FRY: variants seen among roughly 807,000 people sequenced by gnomAD.
FRY encodes protein furry homolog.
FRY carries 128 observed loss-of-function variants against 348.4 expected under a neutral mutation model. That is an observed-to-expected ratio of 0.37 (90% confidence interval 0.32 to 0.43). FRY has a LOEUF of 0.43. Among genes scored for constraint, FRY ranks in the 20% least tolerant of loss-of-function variants. FRY has a pLI of 1.00. For synonymous variants in FRY, 1,370 were observed against 1,374.7 expected, an observed-to-expected ratio of 1.00 and a Z score of 0.08; for missense variants, 2,736 against 3,695.2, an observed-to-expected ratio of 0.74 and a Z score of 6.73.
intron 48 of FRY, 76 bp downstream of exon 48, chr13:32,247,578 G>GA: frequency 1.8e-6 from 2 of 1,102,960 alleles, no homozygotes; most frequent in Admixed American, 1.7e-5. Flanking sequence ...TAGTTGCCTG[G>GA]AAAAAAGAAG....
chr13:32,274,479 G>A (rs766804697), intron 55 of FRY, among the ~76,000 whole-genome samples: 58 of 150,800 alleles, frequency 3.8e-4, no homozygotes, highest in African/African-American at 8.1e-4. Context: ...AGGCCGAGGC[G>A]GGCGGATCAC....
At chr13:32,295,131 A>T (rs1889569647) in intron 60 of FRY, 71 bp from the exon 61 acceptor site, 1 of 1,345,668 alleles carries the variant, frequency 7.4e-7, no homozygotes, top group Admixed American at 1.7e-5. Context: ...TCTTATATTA[A>T]TGAAGACTCA....
chr13:32,112,114 G>A (rs1017668168), intron 3 of FRY, among the ~76,000 whole-genome samples: 2 of 152,282 alleles, frequency 1.3e-5, no homozygotes, highest in East Asian at 1.9e-4. Flanking sequence ...GATAGGTGGG[G>A]CTTTTCAGGT....
Position 32,173,453 on chromosome 13 carries a change from G to C in FRY, c.2238G>C (p.Leu746=). The C allele has an allele frequency of 6.2e-7, 1 of 1,613,026 alleles. No individual in the cohort carries two copies. Among genetic ancestry groups the C allele is most frequent in the Non-Finnish European group, 8.5e-7 (1 of 1,179,708 alleles). Residue 746 remains leucine (L), a synonymous_variant, in exon 19 of 61, where the codon CTG becomes CTC. Coordinates refer to ENST00000542859, the MANE Select transcript of FRY (RefSeq NM_023037.3). ...SVLHAVEGFA[L]VLLCSFQVAT... is the part of the protein sequence containing the mutation. ...TCCACGCTGTAGAAGGTTTTGCTCT[G>C]GTTTTACTCTGCAGTTTCCAGGTGG...
In FRY at chr13:32,172,843, G is replaced by T. The variant is rs74947250; in HGVS notation, c.2152-524G>T. ...CAAAAATGAAGGTGGAAACTTCCCTGTTGACTGGCTTGCTTTTACTTTAGA... is the reference window on the plus strand; with the variant it reads ...CAAAAATGAAGGTGGAAACTTCCCTTTTGACTGGCTTGCTTTTACTTTAGA... On this transcript the variant is annotated intron_variant, in intron 18 of 60. Coordinates refer to ENST00000542859, the MANE Select transcript of FRY (RefSeq NM_023037.3). Among the ~76,000 whole-genome samples the T allele has an allele frequency of 2.3e-3, 354 of 152,304 alleles. 1 individual carries two copies. Among genetic ancestry groups the T allele is most frequent in the African/African-American group, 8.2e-3 (340 of 41,552 alleles).
intron 31 of FRY, among the ~76,000 whole-genome samples, chr13:32,206,264 G>A (rs1332108338): frequency 6.6e-6 from 1 of 152,188 alleles, no homozygotes; most frequent in Non-Finnish European, 1.5e-5. Flanking sequence ...AAGAGCAGAA[G>A]GGTGAGAAGG....
intron 7 of FRY, 79 bp from the exon 8 acceptor site, chr13:32,131,593 C>A: frequency 2.2e-6 from 2 of 927,836 alleles, no homozygotes; most frequent in Non-Finnish European, 3.6e-6. Flanking sequence ...TCTGCTCAAT[C>A]ACTCCCAGAT....
At chr13:32,061,997 T>C (rs1167687142) in intron 1 of FRY, among the ~76,000 whole-genome samples, 2 of 152,146 alleles carry the variant, frequency 1.3e-5, no homozygotes, top group Admixed American at 1.3e-4. Context: ...AGAAAGATTT[T>C]GTTTACTAAA....
rs143022018 is a variant in FRY at position 32,275,927 on chromosome 13, G to T, written c.8287-537G>T. Among the ~76,000 whole-genome samples, 1,208 of 151,462 alleles carry T rather than the reference G, an allele frequency of 8.0e-3. 16 individuals carry two copies. Among genetic ancestry groups the T allele is most frequent in the African/African-American group, 0.028 (1,139 of 41,264 alleles). ...ATATGACAGAATCATCACATGCTCA[G>T]TAATTACTGAGGTTTAGAACCAGTG... On this transcript the variant is annotated intron_variant, in intron 56 of 60. Transcript: ENST00000542859.
At chr13:32,190,320 C>A (rs1282950088) in intron 28 of FRY, among the ~76,000 whole-genome samples, 1 of 151,866 alleles carries the variant, frequency 6.6e-6, no homozygotes, top group Non-Finnish European at 1.5e-5. Flanking sequence ...GAGATCCTAG[C>A]CAATGCAGTA....
chr13:32,156,601 CAA>C (rs60522324), intron 15 of FRY, among the ~76,000 whole-genome samples: 1,267 of 112,326 alleles, frequency 0.011, 12 homozygotes, highest in African/African-American at 0.028. Context: ...AGCTCCATCT[CAA>C]AAAAAAAAAA....
chr13:32,109,458 A>G (rs1877810304), intron 3 of FRY, among the ~76,000 whole-genome samples: 1 of 152,220 alleles, frequency 6.6e-6, no homozygotes, highest in African/African-American at 2.4e-5. Flanking sequence ...AAGGTACACA[A>G]GTGTGTGCTA....
rs1465488623 is a variant in FRY, at chr13:32,131,705, G to A, written c.750G>A (p.Glu250=). ...FPAVKKKFMA[E]LKELRHKEQN... is the part of the protein sequence containing the mutation. ...CTGTAAAGAAGAAATTTATGGCGGA[G>A]CTAAAAGAATTACGGCACAAAGAGC... is the stretch of plus-strand genomic sequence containing the variant. Residue 250 remains glutamate (E), a synonymous_variant, in exon 8 of 61, where the codon GAG becomes GAA. Transcript: ENST00000542859. The A allele has an allele frequency of 1.1e-5, 18 of 1,613,752 alleles. No homozygotes were observed. The highest frequency in any genetic ancestry group is 1.7e-4 in the Middle Eastern group (1 of 5,996).
intron 2 of FRY, 105 bp from the exon 3 acceptor site, chr13:32,101,858 T>C: frequency 1.4e-6 from 1 of 731,276 alleles, no homozygotes. Flanking sequence ...CCTGATTCCA[T>C]AATGAGAGAA....
At chr13:32,106,652 C>A (rs908102265) in intron 3 of FRY, among the ~76,000 whole-genome samples, 4 of 152,174 alleles carry the variant, frequency 2.6e-5, no homozygotes, top group Non-Finnish European at 5.9e-5. Flanking sequence ...TATACCATTT[C>A]TACTTATATC....
chr13:32,044,566 G>T (rs899895324), intron 1 of FRY, among the ~76,000 whole-genome samples: 1 of 152,146 alleles, frequency 6.6e-6, no homozygotes, highest in Admixed American at 6.5e-5. Flanking sequence ...ATTCCAATCT[G>T]CTTCTGTCTC....
chr13:32,186,201 A>G, intron 26 of FRY, 59 bp from the exon 27 acceptor site: 1 of 1,205,908 alleles, frequency 8.3e-7, no homozygotes, highest in East Asian at 2.3e-5. Flanking sequence ...AGAAATATAT[A>G]TAATAGCGAT....
At chr13:32,167,338 T>C (rs1881797357) in intron 17 of FRY, among the ~76,000 whole-genome samples, 1 of 152,214 alleles carries the variant, frequency 6.6e-6, no homozygotes, top group African/African-American at 2.4e-5. Flanking sequence ...TGCTCAAGAC[T>C]ATGAGAGAGA....
chr13:32,224,515 T>C, intron 37 of FRY, 130 bp downstream of exon 37: 1 of 816,060 alleles, frequency 1.2e-6, no homozygotes, highest in South Asian at 1.8e-5. Context: ...CCTGCCTGAT[T>C]TGACTGTCAG....
Sources: allele counts gnomAD v4.1 joint callset (sites outside exome capture counted in the v4.1 genomes callset), GRCh38; gene constraint gnomAD v4.1.1; transcripts MANE v1.5; gene names NCBI Gene and HGNC (gene_info 2026-07-23, HGNC 2026-07-21).